The following USP13 variants were observed in gnomAD, a reference collection of about 807,000 sequenced individuals.
USP13 encodes ubiquitin carboxyl-terminal hydrolase 13.
In USP13, 68 loss-of-function variants were observed where a neutral mutation model predicts 107.8. The ratio of observed to expected loss-of-function variants is 0.63; its 90% CI spans 0.52 to 0.77. The LOEUF is 0.77. Ranked by LOEUF, USP13 falls within the 30% of genes least tolerant of loss-of-function variation. USP13 has a pLI of 0.00. For missense variants in USP13, 945 were observed against 1,093.3 expected (o/e 0.86, Z 1.91); for synonymous variants, 377 against 389.5 (o/e 0.97, Z 0.38).
intron 11 of USP13, among the ~76,000 whole-genome samples, chr3:179,740,758 G>A (rs1714163582): frequency 6.6e-6 from 1 of 151,666 alleles, no homozygotes; most frequent in African/African-American, 2.4e-5. Context: ...AGAATCGAAT[G>A]CCATTAAAAA....
intron 19 of USP13, among the ~76,000 whole-genome samples, chr3:179,778,711 A>T (rs1394567749): frequency 6.6e-6 from 1 of 151,996 alleles, no homozygotes; most frequent in Non-Finnish European, 1.5e-5. Context: ...GGTTGCAGTG[A>T]GCCGAGATCA....
chr3:179,720,308 T>A (rs1016957061), intron 7 of USP13, among the ~76,000 whole-genome samples: 6 of 152,192 alleles, frequency 3.9e-5, no homozygotes, highest in African/African-American at 1.4e-4. Context: ...TTAGTCTCCT[T>A]TGATGGGCAG....
In USP13 at chr3:179,742,202, C is replaced by A; in HGVS notation, c.1386C>A (p.Asn462Lys). The A allele has an allele frequency of 6.2e-7, 1 of 1,614,208 alleles. No individual in the cohort carries two copies. The highest frequency in any genetic ancestry group is 8.5e-7 in the Non-Finnish European group (1 of 1,180,042). ...FLHLVNLVERNRIGSENPSDV... is the reference protein window; with the variant it reads ...FLHLVNLVERKRIGSENPSDV... The stretch of plus-strand genomic sequence containing the variant: ...TGATACAATCCATCCTTCAGAGGAA[C>A]CGCATCGGCTCAGAAAACCCAAGCG... The change falls in exon 12 of 21, where the codon AAC becomes AAA. Residue 462 changes from asparagine to lysine, a missense_variant. By Grantham distance (94) the Asn-to-Lys change is moderately conservative. Transcript: ENST00000263966. The surrounding 1 kb of genome is among the most constrained non-coding windows in gnomAD (Gnocchi z 5.0).
intron 19 of USP13, among the ~76,000 whole-genome samples, chr3:179,769,703 C>G (rs1715287145): frequency 6.6e-6 from 1 of 152,180 alleles, no homozygotes; most frequent in Non-Finnish European, 1.5e-5. Flanking sequence ...GCCACTGCGC[C>G]TGGCCAAATA....
At chr3:179,713,404 C>T (rs1244478914) in intron 6 of USP13, among the ~76,000 whole-genome samples, 1 of 152,130 alleles carries the variant, frequency 6.6e-6, no homozygotes, top group African/African-American at 2.4e-5. Context: ...AGATCGCAAG[C>T]TGTAACATAT....
chr3:179,732,842 G>A (rs1301771395), intron 10 of USP13, among the ~76,000 whole-genome samples: 5 of 152,108 alleles, frequency 3.3e-5, no homozygotes, highest in African/African-American at 1.2e-4. Context: ...CACTGGATTC[G>A]GTGGCTGTAG....
chr3:179,655,880 T>C (rs943916410), intron 1 of USP13, among the ~76,000 whole-genome samples: 1 of 152,212 alleles, frequency 6.6e-6, no homozygotes, highest in Non-Finnish European at 1.5e-5. Flanking sequence ...TGTAACACTA[T>C]ACTATGAATC....
At chr3:179,670,948 C>T (rs1026480268) in intron 1 of USP13, among the ~76,000 whole-genome samples, 4 of 152,180 alleles carry the variant, frequency 2.6e-5, no homozygotes, top group Non-Finnish European at 4.4e-5. Flanking sequence ...CCGTCTGTCT[C>T]GGCCTCACAA....
intron 13 of USP13, 63 bp from the exon 14 acceptor site, chr3:179,752,222 T>G: frequency 6.8e-7 from 1 of 1,475,862 alleles, no homozygotes; most frequent in Non-Finnish European, 9.4e-7. Context: ...TGATATGCTT[T>G]TTGAACTGTA....
intron 1 of USP13, among the ~76,000 whole-genome samples, chr3:179,671,854 G>A (rs2108444379): frequency 6.6e-6 from 1 of 152,254 alleles, no homozygotes; most frequent in East Asian, 1.9e-4. Flanking sequence ...GTGTTAGTAT[G>A]TGATTTGTCC....
At chr3:179,690,114 G>T in intron 2 of USP13, 127 bp from the exon 3 acceptor site, 1 of 829,574 alleles carries the variant, frequency 1.2e-6, no homozygotes. Flanking sequence ...TCCTGGAATT[G>T]CTAATCTAGA....
rs576134525 is a variant in USP13 at position 179,788,120 on chromosome 3, T to G, written c.*3979T>G. 4 of 152,330 alleles carry G rather than the reference T, an allele frequency of 2.6e-5. No individual in the cohort carries two copies. In the East Asian group the frequency reaches 7.7e-4, roughly 29 times the overall value. The allele number at this position is 152,330 out of a possible 1,614,324, so 9.4% of individuals were successfully genotyped here. The stretch of plus-strand genomic sequence containing the variant: ...AGAGCTGTGATCCCCAAATAAGTGC[T>G]GACAAAATTGTCTACCACAGAAAGG... On this transcript the variant is annotated 3_prime_UTR_variant, in exon 21 of 21. Transcript: ENST00000263966.
rs1229294178 is a variant in USP13, at chr3:179,784,131, T to C, written c.2582T>C (p.Ile861Thr). The C allele has an allele frequency of 6.2e-7, 1 of 1,609,494 alleles. No individual in the cohort carries two copies. The highest frequency in any genetic ancestry group is 8.5e-7 in the Non-Finnish European group (1 of 1,178,752). The change falls in exon 21 of 21, where the codon ATA (isoleucine) becomes ACA (threonine). Residue 861 changes from isoleucine (I) to threonine (T), a missense_variant. Coordinates refer to ENST00000263966, the MANE Select transcript of USP13 (RefSeq NM_003940.3). Reference protein sequence around the residue: ...DLGYMYFYRRIPS With the variant: ...DLGYMYFYRRTPS ...GGCTACATGTACTTTTACCGCAGGA[T>C]ACCAAGCTAAACCTCAAATATAAAA...
At chr3:179,734,732 A>G (rs1239400205) in intron 10 of USP13, among the ~76,000 whole-genome samples, 2 of 152,194 alleles carry the variant, frequency 1.3e-5, no homozygotes, top group East Asian at 1.9e-4. Flanking sequence ...TTAAACACTT[A>G]CTGGTTCAAG....
chr3:179,714,367 CAG>C (rs947600982), intron 6 of USP13, among the ~76,000 whole-genome samples: 1 of 152,200 alleles, frequency 6.6e-6, no homozygotes, highest in Admixed American at 6.5e-5. Flanking sequence ...GGTTTGGAAT[CAG>C]GGCACGGACT....
chr3:179,719,280 CAT>C (rs1283097507), intron 6 of USP13, among the ~76,000 whole-genome samples: 1 of 152,210 alleles, frequency 6.6e-6, no homozygotes, highest in Middle Eastern at 3.4e-3. Context: ...GAATACCAAA[CAT>C]ATGGTCATTT....
intron 19 of USP13, among the ~76,000 whole-genome samples, chr3:179,769,038 T>C (rs1715267705): frequency 6.6e-6 from 1 of 152,192 alleles, no homozygotes; most frequent in South Asian, 2.1e-4. Flanking sequence ...AAATAATGTT[T>C]TGTTTATATT....
At chr3:179,763,739 C>T (rs766762026) in intron 17 of USP13, among the ~76,000 whole-genome samples, 9 of 152,090 alleles carry the variant, frequency 5.9e-5, no homozygotes, top group Non-Finnish European at 1.2e-4. Flanking sequence ...GTGTGCACCA[C>T]CATGCCCTGC....
At chr3:179,677,643 T>G (rs1711516388) in intron 1 of USP13, among the ~76,000 whole-genome samples, 1 of 152,106 alleles carries the variant, frequency 6.6e-6, no homozygotes, top group African/African-American at 2.4e-5. Flanking sequence ...AAAAAACTCT[T>G]GACAATGAAA....
Sources: gnomAD v4.1 joint callset for allele counts (sites outside exome capture counted in the v4.1 genomes callset) on GRCh38, gnomAD v4.1.1 for gene constraint, Gnocchi (gnomAD v3.1) non-coding constraint, MANE v1.5 for transcripts, NCBI Gene and HGNC (gene_info 2026-07-23, HGNC 2026-07-21) for gene names.